The following MAML2 variants were observed in gnomAD, a reference collection of about 807,000 sequenced individuals.
MAML2 encodes mastermind-like protein 2.
In MAML2, 22 loss-of-function variants were observed where a neutral mutation model predicts 96.1. The observed-to-expected ratio is 0.23, with a 90% confidence interval of 0.16 to 0.33. MAML2 has a LOEUF of 0.33. MAML2 is among the 10% of genes least tolerant of loss of function. The pLI is 1.00. For missense variants in MAML2, 1,367 were observed against 1,392.4 expected (o/e 0.98, Z 0.29); for synonymous variants, 561 against 521.3 (o/e 1.08, Z -1.04).
chr11:96,042,236 C>T (rs1565197360), intron 2 of MAML2, among the ~76,000 whole-genome samples: 3 of 152,086 alleles, frequency 2.0e-5, no homozygotes, highest in South Asian at 2.1e-4. Flanking sequence ...TTGGCCTCTC[C>T]GAAAGTGCTG....
intron 1 of MAML2, among the ~76,000 whole-genome samples, chr11:96,302,864 T>C (rs1369733468): frequency 6.6e-6 from 1 of 152,212 alleles, no homozygotes; most frequent in African/African-American, 2.4e-5. Flanking sequence ...TATTTTTACA[T>C]AGGTAAAACT....
chr11:96,152,753 T>C (rs1046116720), intron 1 of MAML2, among the ~76,000 whole-genome samples: 10 of 152,180 alleles, frequency 6.6e-5, no homozygotes, highest in African/African-American at 2.2e-4. Flanking sequence ...GCTGATTTGG[T>C]AAAAGAAGGA....
At chr11:96,030,331 G>T (rs1019470210) in intron 2 of MAML2, among the ~76,000 whole-genome samples, 1 of 152,030 alleles carries the variant, frequency 6.6e-6, no homozygotes, top group African/African-American at 2.4e-5. Flanking sequence ...ACTCTACCAG[G>T]TATGTGATGA....
At chr11:96,049,122 G>A (rs1231613757) in intron 2 of MAML2, among the ~76,000 whole-genome samples, 1 of 152,178 alleles carries the variant, frequency 6.6e-6, no homozygotes, top group South Asian at 2.1e-4. Context: ...AGGTCTTCAA[G>A]GTAGATAATG....
chr11:96,176,821 G>A (rs1002559562), intron 1 of MAML2, among the ~76,000 whole-genome samples: 8 of 152,114 alleles, frequency 5.3e-5, no homozygotes, highest in Admixed American at 4.6e-4. Flanking sequence ...GGGGCTTGGA[G>A]GAGCTTCAAT....
chr11:96,067,350 T>C (rs1483265750), intron 2 of MAML2, among the ~76,000 whole-genome samples: 3 of 152,224 alleles, frequency 2.0e-5, no homozygotes, highest in Admixed American at 6.5e-5. Flanking sequence ...AAATGCCTTC[T>C]TCCGCCAACA....
chr11:96,174,766 T>C (rs1383823313), intron 1 of MAML2, among the ~76,000 whole-genome samples: 3 of 152,364 alleles, frequency 2.0e-5, no homozygotes, highest in East Asian at 3.9e-4. Context: ...CATACACTTG[T>C]GGGATACCCA....
At chr11:96,244,212 G>A (rs1456080909) in intron 1 of MAML2, among the ~76,000 whole-genome samples, 1 of 152,206 alleles carries the variant, frequency 6.6e-6, no homozygotes, top group Non-Finnish European at 1.5e-5. Flanking sequence ...TGGAGGGTAA[G>A]ACATCTGCCT....
At chr11:96,336,501 G>A (rs557830004) in intron 1 of MAML2, among the ~76,000 whole-genome samples, 8 of 152,118 alleles carry the variant, frequency 5.3e-5, no homozygotes, top group East Asian at 1.9e-4. Flanking sequence ...GGAGTGTGAC[G>A]GAAATTAGCA....
chr11:96,258,305 C>T (rs1186105142), intron 1 of MAML2, among the ~76,000 whole-genome samples: 2 of 152,086 alleles, frequency 1.3e-5, no homozygotes, highest in Non-Finnish European at 2.9e-5. Context: ...GGAATCCACT[C>T]CTGACATGGG....
chr11:95,998,441 G>A (rs962721785), intron 2 of MAML2, among the ~76,000 whole-genome samples: 3 of 152,084 alleles, frequency 2.0e-5, no homozygotes, highest in African/African-American at 7.2e-5. Context: ...TAAAAAGTAG[G>A]TACTGACTAA....
chr11:96,270,429 C>T (rs1371745129), intron 1 of MAML2, among the ~76,000 whole-genome samples: 3 of 152,144 alleles, frequency 2.0e-5, no homozygotes, highest in Non-Finnish European at 4.4e-5. Context: ...CCTGACTCAG[C>T]CTCCCGAATA....
At chr11:96,137,378 C>T (rs1860652682) in intron 1 of MAML2, among the ~76,000 whole-genome samples, 5 of 152,194 alleles carry the variant, frequency 3.3e-5, no homozygotes, top group South Asian at 2.1e-4. Flanking sequence ...GTCTCTTACA[C>T]GCCTGGATCA....
At chr11:95,981,493 A>G (rs990663664) in intron 4 of MAML2, among the ~76,000 whole-genome samples, 4 of 152,248 alleles carry the variant, frequency 2.6e-5, no homozygotes, top group African/African-American at 9.6e-5. Flanking sequence ...CATGTCTGCA[A>G]TTGTAAACGT....
chr11:96,230,658 C>T (rs1862280678), intron 1 of MAML2, among the ~76,000 whole-genome samples: 1 of 152,194 alleles, frequency 6.6e-6, no homozygotes, highest in Non-Finnish European at 1.5e-5. Flanking sequence ...CAGCCCACAT[C>T]AGATTATGTT....
At chr11:96,287,175 A>AT (rs1438262567) in intron 1 of MAML2, among the ~76,000 whole-genome samples, 13 of 152,228 alleles carry the variant, frequency 8.5e-5, no homozygotes, top group Non-Finnish European at 1.6e-4. Context: ...AAAACCTGTT[A>AT]TTATAAGAGC....
intron 2 of MAML2, among the ~76,000 whole-genome samples, chr11:95,997,067 G>A (rs933121093): frequency 2.0e-5 from 3 of 152,150 alleles, no homozygotes; most frequent in Non-Finnish European, 4.4e-5. Flanking sequence ...ACAAACCGTA[G>A]TTAAAGATTG....
At chr11:96,323,894 CAT>C (rs941145511) in intron 1 of MAML2, among the ~76,000 whole-genome samples, 1 of 152,216 alleles carries the variant, frequency 6.6e-6, no homozygotes, top group Non-Finnish European at 1.5e-5. Context: ...CCAGTCAAAA[CAT>C]GTGTCACTCA....
rs1863999331 is a variant in MAML2, at chr11:96,341,795, C to T, written c.101G>A (p.Ser34Asn). ...AGCCCGGAGGCGCTCCACGATAGCA[C>T]TGTGCACTCTCGGGGTGACTGAGCC... Reference protein sequence around the residue: ...GGGSVTPRVHSAIVERLRARI... With the variant: ...GGGSVTPRVHNAIVERLRARI... The change falls in exon 1 of 5, where the codon AGT (serine) becomes AAT (asparagine). Residue 34 changes from serine (S) to asparagine (N), a missense_variant. Coordinates refer to ENST00000524717, the MANE Select transcript of MAML2 (RefSeq NM_032427.4). The T allele has an allele frequency of 3.1e-6, 5 of 1,607,616 alleles. No individual in the cohort carries two copies. The highest frequency in any genetic ancestry group is 4.2e-6 in the Non-Finnish European group (5 of 1,178,496).
Sources: gnomAD v4.1 joint callset for allele counts (sites outside exome capture counted in the v4.1 genomes callset) on GRCh38, gnomAD v4.1.1 for gene constraint, MANE v1.5 for transcripts, NCBI Gene and HGNC (gene_info 2026-07-23, HGNC 2026-07-21) for gene names.